Variants in ARMH3 observed in about 807,000 individuals in gnomAD.
ARMH3 encodes the protein armadillo-like helical domain-containing protein 3.
A neutral mutation model predicts 99.1 loss-of-function variants in ARMH3; 60 were observed. The observed-to-expected ratio is 0.61, with a 90% CI of 0.49 to 0.75. The LOEUF is 0.75. Among genes scored for constraint, ARMH3 ranks in the 30% least tolerant of loss-of-function variants. The pLI is 0.00. For missense variants in ARMH3, 679 were observed against 843.1 expected (o/e 0.81, Z 2.41); for synonymous variants, 285 against 292.8 (o/e 0.97, Z 0.27).
At chr10:101,993,073 C>G (rs959708298) in intron 17 of ARMH3, among the ~76,000 whole-genome samples, 1 of 151,932 alleles carries the variant, frequency 6.6e-6, no homozygotes, top group African/African-American at 2.4e-5. Flanking sequence ...GAGCTGGAGA[C>G]CAGCCTGGCC....
chr10:101,889,351 G>T, intron 24 of ARMH3, 61 bp downstream of exon 24: 1 of 1,437,446 alleles, frequency 7.0e-7, no homozygotes, highest in South Asian at 1.1e-5. Flanking sequence ...TGCCATCAGA[G>T]AGAAGGCAAC....
At chr10:101,861,307 A>C (rs1252767345) in intron 24 of ARMH3, among the ~76,000 whole-genome samples, 3 of 152,244 alleles carry the variant, frequency 2.0e-5, no homozygotes, top group Non-Finnish European at 4.4e-5. Context: ...TTGTGCTGAC[A>C]GGAAAAAAAA....
At chr10:102,029,884 G>T (rs2067086158) in intron 4 of ARMH3, 139 bp from the exon 5 acceptor site, 29 of 809,876 alleles carry the variant, frequency 3.6e-5, no homozygotes, top group South Asian at 1.3e-4. Context: ...CACAGTCTGA[G>T]TTTTTTTGGT....
intron 15 of ARMH3, among the ~76,000 whole-genome samples, chr10:101,997,365 G>A (rs1275220171): frequency 6.6e-6 from 1 of 152,010 alleles, no homozygotes; most frequent in Non-Finnish European, 1.5e-5. Context: ...AGGCCGAGGC[G>A]GGTGGATCAC....
chr10:101,895,712 C>A (rs928787944), intron 23 of ARMH3, among the ~76,000 whole-genome samples: 6 of 152,126 alleles, frequency 3.9e-5, no homozygotes, highest in African/African-American at 1.4e-4. Context: ...GTGCTGCAAA[C>A]AATGCCATCA....
At chr10:101,969,780 G>A (rs1845690410) in intron 20 of ARMH3, among the ~76,000 whole-genome samples, 1 of 152,154 alleles carries the variant, frequency 6.6e-6, no homozygotes, top group Admixed American at 6.5e-5. Context: ...TTAGTGATCT[G>A]TGTCTGAGCA....
At chr10:101,975,187 A>T in intron 20 of ARMH3, 25 bp downstream of exon 20, 1 of 1,597,058 alleles carries the variant, frequency 6.3e-7, no homozygotes. Flanking sequence ...AGAAAAAGGA[A>T]GATGAATTCA....
At chr10:101,973,051 T>A (rs770506096) in intron 20 of ARMH3, among the ~76,000 whole-genome samples, 5 of 152,152 alleles carry the variant, frequency 3.3e-5, no homozygotes, top group African/African-American at 1.2e-4. Context: ...ATAAAAGACA[T>A]TTTTAAATCT....
chr10:101,972,257 A>G (rs1845801431), intron 20 of ARMH3, among the ~76,000 whole-genome samples: 1 of 152,228 alleles, frequency 6.6e-6, no homozygotes, highest in African/African-American at 2.4e-5. Flanking sequence ...ACAGTCAAAC[A>G]GCATAGAAAT....
chr10:102,018,586 A>G (rs1290565127), intron 8 of ARMH3, among the ~76,000 whole-genome samples: 1 of 152,196 alleles, frequency 6.6e-6, no homozygotes, highest in East Asian at 1.9e-4. Context: ...AGTGCAACGC[A>G]TTCATTACTC....
chr10:101,998,966 T>C (rs1180639047), intron 15 of ARMH3, among the ~76,000 whole-genome samples: 1 of 152,192 alleles, frequency 6.6e-6, no homozygotes. Flanking sequence ...CTGTGGACCA[T>C]AATTTAAGAA....
chr10:101,993,426 T>G, intron 17 of ARMH3, 112 bp downstream of exon 17: 1 of 746,024 alleles, frequency 1.3e-6, no homozygotes, highest in Non-Finnish European at 2.2e-6. Flanking sequence ...GCAAAGCCCT[T>G]TGGCACAACT....
intron 19 of ARMH3, among the ~76,000 whole-genome samples, chr10:101,981,790 G>A (rs1299820168): frequency 2.6e-5 from 4 of 151,964 alleles, no homozygotes; most frequent in African/African-American, 9.7e-5. Context: ...AGGTAGAGGC[G>A]GGTGGATCAC....
chr10:102,000,171 G>A (rs1196794106), intron 15 of ARMH3, among the ~76,000 whole-genome samples: 1 of 152,090 alleles, frequency 6.6e-6, no homozygotes, highest in East Asian at 1.9e-4. Flanking sequence ...ACCAAGTATG[G>A]TAAAATGTTC....
chr10:102,040,081 G>A lies in ARMH3; in HGVS notation c.34C>T (p.Arg12Trp), dbSNP rs757321143. ...GGTTTTTTGGAGGCTGAAGATTTCC[G>A]GAGCAAACCTCCACGTTTCTCTACC... ...AQVEKRGGLL[R>W]KSSASKKPLK... Residue 12 changes from arginine (R) to tryptophan (W), a missense_variant, in exon 2 of 26, where the codon CGG becomes TGG. Arg to Trp is a moderately radical substitution (Grantham distance 101). Around this residue, in one of 3 missense-constraint regions of ARMH3, gnomAD observed 280 missense variants for 354.6 expected, o/e 0.79. Transcript: ENST00000370033. The A allele has an allele frequency of 1.9e-5, 30 of 1,614,012 alleles. No individual in the cohort carries two copies. The highest frequency in any genetic ancestry group is 5.0e-5 in the Admixed American group (3 of 59,992).
chr10:101,905,642 T>C lies in ARMH3; in HGVS notation c.1782-16152A>G, dbSNP rs540873849. Among the ~76,000 whole-genome samples, 4 of 152,262 alleles carry C rather than the reference T, an allele frequency of 2.6e-5. No homozygotes were observed. In the South Asian group the frequency reaches 8.3e-4, roughly 32 times the overall value. ...TATGGCCAAGTCTAATTGGGACAGA[T>C]CTTAGGATAGATGGGAGAGTGACAA... is the stretch of plus-strand genomic sequence containing the variant. On this transcript the variant is annotated intron_variant, in intron 23 of 25. Transcript: ENST00000370033.
chr10:101,849,430 AC>A (rs2066535593), intron 25 of ARMH3, among the ~76,000 whole-genome samples: 1 of 152,152 alleles, frequency 6.6e-6, no homozygotes, highest in South Asian at 2.1e-4. Flanking sequence ...GTTTAGGAAG[AC>A]GTGATTCCAT....
chr10:101,990,516 T>G (rs755580429), intron 19 of ARMH3, 35 bp downstream of exon 19: 1 of 1,443,334 alleles, frequency 6.9e-7, no homozygotes, highest in South Asian at 1.2e-5. Context: ...TAAAATAGAT[T>G]TGTACACATT....
intron 15 of ARMH3, among the ~76,000 whole-genome samples, chr10:101,997,715 TTTA>T (rs1369383847): frequency 3.3e-5 from 5 of 152,186 alleles, no homozygotes; most frequent in African/African-American, 1.2e-4. Context: ...ATATGTTCAT[TTTA>T]TTATTATACT....
Sources: gnomAD v4.1 joint callset for allele counts (sites outside exome capture counted in the v4.1 genomes callset) on GRCh38, gnomAD v4.1.1 for gene constraint, gnomAD v4.1.1 regional missense constraint, MANE v1.5 for transcripts, NCBI Gene and HGNC (gene_info 2026-07-23, HGNC 2026-07-21) for gene names.